OGDH: variants seen among roughly 807,000 people sequenced by gnomAD.
OGDH encodes the protein 2-oxoglutarate dehydrogenase complex component E1.
Under a neutral mutation model 116.6 loss-of-function variants are expected in OGDH, and 38 were observed. That is an observed-to-expected ratio of 0.33 (90% CI 0.25 to 0.43). The LOEUF is 0.43. Ranked by LOEUF, OGDH falls within the 20% of genes least tolerant of loss-of-function variation. The probability of loss-of-function intolerance (pLI) is 1.00; values close to 1 mark genes in which losing one functional copy is unlikely to be tolerated. For missense variants in OGDH, 825 were observed against 1,357.2 expected (o/e 0.61, Z 6.16); for synonymous variants, 488 against 533.3 (o/e 0.92, Z 1.17).
intron 5 of OGDH, among the ~76,000 whole-genome samples, chr7:44,669,747 C>T (rs1018252802): frequency 6.6e-6 from 1 of 151,002 alleles, no homozygotes; most frequent in Non-Finnish European, 1.5e-5. Context: ...GATGGTTGGA[C>T]CTGTACCCAG....
Position 44,634,757 on chromosome 7 carries a change from A to T in OGDH, c.222+10192A>T, listed in dbSNP as rs1003255364. ...TTTGCTTCATAGGCAGAATGGTGGT[A>T]AGTGGTACTCTGGCCTGGGCAAGGT... is the stretch of plus-strand genomic sequence containing the variant. On this transcript the variant is annotated intron_variant, in intron 2 of 22. Transcript: ENST00000222673. Among the ~76,000 whole-genome samples, 6 of 152,334 alleles carry T rather than the reference A, an allele frequency of 3.9e-5. No homozygotes were observed. In the East Asian group the frequency reaches 1.2e-3, roughly 29 times the overall value.
chr7:44,703,591 G>A lies in OGDH; in HGVS notation c.2632+1976G>A, dbSNP rs191101022. Among the ~76,000 whole-genome samples, 216 of 151,604 alleles carry A rather than the reference G, an allele frequency of 1.4e-3. 3 individuals are homozygous for A. Among genetic ancestry groups the A allele is most frequent in the East Asian group, 0.01 (54 of 5,172 alleles). On this transcript the variant is annotated intron_variant, in intron 20 of 22. Coordinates refer to ENST00000222673, the MANE Select transcript of OGDH (RefSeq NM_002541.4). ...AAAAATTAGCTGGGCATGGTGGCGC[G>A]CACCCGTAATCCCAGCTACTCAGGA... is the stretch of plus-strand genomic sequence containing the variant.
At position 44,697,239 on chromosome 7, in the gene OGDH, C is replaced by A. The variant is rs985501523; in HGVS notation, c.2052-131C>A. 1.4e-6 allele frequency: 2 copies of A among 1,470,604 alleles called. No homozygotes were observed. Among genetic ancestry groups the A allele is most frequent in the Non-Finnish European group, 1.9e-6 (2 of 1,078,758 alleles). The allele number at this position is 1,470,604 out of a possible 1,614,324, so 91.1% of individuals were successfully genotyped here. A position where few individuals can be genotyped will look rare whatever the true frequency, so the allele number is the denominator to read the frequency against. On this transcript the variant is annotated intron_variant, in intron 15 of 22. Coordinates refer to ENST00000222673, the MANE Select transcript of OGDH (RefSeq NM_002541.4). This position sits in a 1 kb window ranked among gnomAD's most constrained non-coding sequence, Gnocchi z 6.0. Reference sequence around the variant, plus strand: ...GCTTCTGTTAAGACCTGGGTGGGGCCGACCCTGCAGCTGCCTGGCCAGAAG... The same window carrying A: ...GCTTCTGTTAAGACCTGGGTGGGGCAGACCCTGCAGCTGCCTGGCCAGAAG...
intron 20 of OGDH, among the ~76,000 whole-genome samples, chr7:44,702,547 TG>T (rs1562691121): frequency 6.6e-6 from 1 of 152,146 alleles, no homozygotes; most frequent in Non-Finnish European, 1.5e-5. Flanking sequence ...CCTTGTTTTT[TG>T]GGGGTTTTTT....
At chr7:44,704,248 T>C (rs531717217) in intron 20 of OGDH, among the ~76,000 whole-genome samples, 9 of 152,364 alleles carry the variant, frequency 5.9e-5, no homozygotes, top group Non-Finnish European at 1.0e-4. Flanking sequence ...GCCATCTTAA[T>C]GGGTGTGAGA....
chr7:44,630,297 T>C (rs1264748178), intron 2 of OGDH, among the ~76,000 whole-genome samples: 1 of 152,204 alleles, frequency 6.6e-6, no homozygotes, highest in African/African-American at 2.4e-5. Context: ...AGCCGCTGCA[T>C]GTGCGGTGAA....
chr7:44,698,567 C>G (rs908011584), intron 18 of OGDH, among the ~76,000 whole-genome samples: 2 of 152,070 alleles, frequency 1.3e-5, no homozygotes, highest in African/African-American at 2.4e-5. Context: ...GCTTCCAGAC[C>G]CTGATTCAGG....
chr7:44,638,121 CTG>C (rs1362676907), intron 2 of OGDH, among the ~76,000 whole-genome samples: 1 of 152,174 alleles, frequency 6.6e-6, no homozygotes, highest in Admixed American at 6.5e-5. Flanking sequence ...AGAGAATTAA[CTG>C]TGTGTAACTG....
Position 44,700,168 on chromosome 7 carries a change from A to T in OGDH, c.2458A>T (p.Asn820Tyr), listed in dbSNP as rs151001666. The change falls in exon 19 of 23, where the codon AAT becomes TAT. Residue 820 changes from asparagine (N) to tyrosine (Y), a missense_variant. Coordinates refer to ENST00000222673, the MANE Select transcript of OGDH (RefSeq NM_002541.4). ...CCTTAAAGAAGCCAACTTCGACATC[A>T]ATCAGCTATATGACTGCAATTGGGT... Reference protein sequence around the residue: ...PDLKEANFDINQLYDCNWVVV... With the variant: ...PDLKEANFDIYQLYDCNWVVV... 3,110 of 1,614,146 alleles carry T rather than the reference A, an allele frequency of 1.9e-3. 2 individuals carry two copies. The highest frequency in any genetic ancestry group is 2.4e-3 in the Non-Finnish European group (2,831 of 1,180,008).
At chr7:44,635,148 T>C (rs1314719728) in intron 2 of OGDH, among the ~76,000 whole-genome samples, 1 of 152,124 alleles carries the variant, frequency 6.6e-6, no homozygotes, top group East Asian at 1.9e-4. Flanking sequence ...GCCTGCCCCT[T>C]ACAGCAGCGC....
chr7:44,691,981 T>TTAAAAAAAAAAAAAAAAAAAAAAAAAA (rs1228471357), intron 10 of OGDH, among the ~76,000 whole-genome samples: 1 of 102,636 alleles, frequency 9.7e-6, no homozygotes, highest in African/African-American at 4.4e-5. Context: ...GACTCTGTCT[T>TTAAAAAAAAAAAAAAAAAAAAAAAAAA]AAAAAAAAAA....
chr7:44,685,143 T>C (rs528387818), intron 10 of OGDH, among the ~76,000 whole-genome samples: 2 of 152,280 alleles, frequency 1.3e-5, no homozygotes, highest in Admixed American at 6.5e-5. Flanking sequence ...GTTAACTATT[T>C]TTAAGTGAAC....
intron 13 of OGDH, 70 bp from the exon 14 acceptor site, chr7:44,696,359 G>A (rs1050305989): frequency 3.0e-5 from 47 of 1,556,952 alleles, no homozygotes; most frequent in African/African-American, 5.4e-5. Context: ...CCAAAATCAC[G>A]TGTCTGCCAT....
chr7:44,622,101 A>G (rs1010737878), intron 1 of OGDH, among the ~76,000 whole-genome samples: 2 of 152,266 alleles, frequency 1.3e-5, no homozygotes, highest in South Asian at 2.1e-4. Flanking sequence ...AGGTGATGCT[A>G]TTGTTTTCTG....
chr7:44,688,431 C>CTTT lies in OGDH; in HGVS notation c.1336-5379_1336-5377dup, dbSNP rs375502677. Among the ~76,000 whole-genome samples, 103 of 128,198 alleles carry CTTT rather than the reference C, an allele frequency of 8.0e-4. 4 individuals carry two copies. The highest frequency in any genetic ancestry group is 2.1e-3 in the African/African-American group (73 of 34,214). 84.1% of individuals were successfully genotyped at this position (128,198 alleles called of 152,430 possible). On this transcript the variant is annotated intron_variant, in intron 10 of 22. Transcript: ENST00000222673. ...ATTTATGTACAAGTGTTTATATATA[C>CTTT]TTTTTTTTTTTTTTTTTGAGACGGA...
intron 2 of OGDH, among the ~76,000 whole-genome samples, chr7:44,635,593 C>T (rs1785631364): frequency 6.6e-6 from 1 of 152,138 alleles, no homozygotes; most frequent in African/African-American, 2.4e-5. Flanking sequence ...AGGAAGTGGT[C>T]TCATCAGTCC....
At position 44,694,115 on chromosome 7, in the gene OGDH, G is replaced by A; in HGVS notation, c.1515+111G>A. ...GAGCTTGTCTAGATGAGTCACCTCA[G>A]GGCTCTCTACTGCCAGGCCTCATGC... On this transcript the variant is annotated intron_variant, in intron 11 of 22. Coordinates refer to ENST00000222673, the MANE Select transcript of OGDH (RefSeq NM_002541.4). The surrounding 1 kb of genome is among the most constrained non-coding windows in gnomAD (Gnocchi z 4.2). 1 of 1,212,564 alleles carries A rather than the reference G, an allele frequency of 8.2e-7. No individual in the cohort carries two copies. Among genetic ancestry groups the A allele is most frequent in the South Asian group, 1.6e-5 (1 of 64,084 alleles). 75.1% of individuals were successfully genotyped at this position (1,212,564 alleles called of 1,614,324 possible).
Position 44,707,176 on chromosome 7 carries a change from C to T in OGDH, c.2633-49C>T, listed in dbSNP as rs1789115059. The T allele has an allele frequency of 1.2e-6, 2 of 1,600,966 alleles. No homozygotes were observed. Among genetic ancestry groups the T allele is most frequent in the Non-Finnish European group, 1.7e-6 (2 of 1,172,208 alleles). On this transcript the variant is annotated intron_variant, in intron 20 of 22. Transcript: ENST00000222673. The surrounding 1 kb of genome is among the most constrained non-coding windows in gnomAD (Gnocchi z 5.2). ...ACAGCCCTGGGCCCAGGAGAGCTCT[C>T]AGCCACATACCTGAGAGAACCAGCC...
chr7:44,686,046 C>CTTTTTTTTTTTTTTT (rs947000633), intron 10 of OGDH, among the ~76,000 whole-genome samples: 31 of 144,828 alleles, frequency 2.1e-4, no homozygotes, highest in East Asian at 6.0e-4. Flanking sequence ...TTCTTTCTTT[C>CTTTTTTTTTTTTTTT]TTTTTTTTTT....
Sources: allele counts gnomAD v4.1 joint callset (sites outside exome capture counted in the v4.1 genomes callset), GRCh38; gene constraint gnomAD v4.1.1; non-coding constraint Gnocchi (gnomAD v3.1); transcripts MANE v1.5; gene names NCBI Gene and HGNC (gene_info 2026-07-23, HGNC 2026-07-21).